The following F13A1 variants were observed in gnomAD, a reference collection of about 807,000 sequenced individuals.
F13A1 encodes the protein coagulation factor XIII A chain.
In F13A1, 47 loss-of-function variants were observed where a neutral mutation model predicts 80.1. That is an observed-to-expected ratio of 0.59 (90% CI 0.46 to 0.75). The LOEUF (loss-of-function observed/expected upper bound fraction) is 0.75. Among genes scored for constraint, F13A1 ranks in the 30% least tolerant of loss-of-function variants. F13A1 has a pLI of 0.00. For missense variants in F13A1, 817 were observed against 930.4 expected (o/e 0.88, Z 1.59); for synonymous variants, 349 against 344.9 (o/e 1.01, Z -0.13).
intron 3 of F13A1, among the ~76,000 whole-genome samples, chr6:6,271,839 G>A (rs917389509): frequency 3.9e-5 from 6 of 152,294 alleles, no homozygotes; most frequent in Middle Eastern, 3.4e-3. Flanking sequence ...GCCTATATTC[G>A]AATGTCTCAT....
In F13A1 at chr6:6,176,240, C is replaced by T. The variant is rs558107023; in HGVS notation, c.1460-1373G>A. ...TTAAAGGTATTGTCTTCTACTTTAT[C>T]TAGTTAATAATAAAATGCAATGGTG... is the stretch of plus-strand genomic sequence containing the variant. On this transcript the variant is annotated intron_variant, in intron 11 of 14. Transcript: ENST00000264870. Among the ~76,000 whole-genome samples the T allele has an allele frequency of 2.6e-5, 4 of 152,274 alleles. No individual in the cohort carries two copies. The East Asian group carries it at 7.7e-4, about 29-fold the overall frequency.
intron 10 of F13A1, among the ~76,000 whole-genome samples, chr6:6,186,922 C>G (rs2151078827): frequency 7.1e-6 from 1 of 140,272 alleles, no homozygotes; most frequent in South Asian, 2.5e-4. Context: ...TGTAGTTCTC[C>G]TTGAAGAGGT....
chr6:6,300,064 G>A (rs564688579), intron 3 of F13A1, among the ~76,000 whole-genome samples: 32 of 146,446 alleles, frequency 2.2e-4, no homozygotes, highest in South Asian at 1.0e-3. Flanking sequence ...GCTGCTTGGG[G>A]GTCAGGGGTC....
intron 14 of F13A1, among the ~76,000 whole-genome samples, chr6:6,146,193 C>T (rs2151066766): frequency 6.6e-6 from 1 of 152,294 alleles, no homozygotes; most frequent in Non-Finnish European, 1.5e-5. Context: ...ATGAATCCCC[C>T]AGCTGCCTTT....
At chr6:6,266,947 C>A in intron 3 of F13A1, 138 bp from the exon 4 acceptor site, 2 of 1,254,050 alleles carry the variant, frequency 1.6e-6, no homozygotes, top group South Asian at 1.3e-5. Context: ...ACAAATCAGG[C>A]AAGTCTGCAA....
intron 2 of F13A1, among the ~76,000 whole-genome samples, chr6:6,306,347 T>C (rs1454556642): frequency 2.0e-5 from 3 of 152,234 alleles, no homozygotes; most frequent in African/African-American, 7.2e-5. Context: ...TTGTCTAACT[T>C]TGTATGTGTG....
chr6:6,182,247 C>T (rs1761001916), intron 10 of F13A1, 106 bp from the exon 11 acceptor site: 1 of 1,226,188 alleles, frequency 8.2e-7, no homozygotes, highest in Non-Finnish European at 1.2e-6. Context: ...AGCTGACATG[C>T]CCCTTTCTTC....
At chr6:6,283,631 AC>A (rs1285429191) in intron 3 of F13A1, among the ~76,000 whole-genome samples, 1 of 152,042 alleles carries the variant, frequency 6.6e-6, no homozygotes, top group Non-Finnish European at 1.5e-5. Flanking sequence ...CAATACATGT[AC>A]CCAATTTTTG....
At chr6:6,249,784 G>A (rs1757605106) in intron 5 of F13A1, among the ~76,000 whole-genome samples, 1 of 152,188 alleles carries the variant, frequency 6.6e-6, no homozygotes, top group African/African-American at 2.4e-5. Context: ...ACTGAGGAGG[G>A]GATGGCTTGA....
At chr6:6,255,298 A>C (rs771162993) in intron 4 of F13A1, among the ~76,000 whole-genome samples, 1 of 152,140 alleles carries the variant, frequency 6.6e-6, no homozygotes, top group Non-Finnish European at 1.5e-5. Flanking sequence ...AGTGCTTTAT[A>C]ACAAGACACA....
intron 3 of F13A1, among the ~76,000 whole-genome samples, chr6:6,291,825 G>A (rs759086232): frequency 2.0e-5 from 3 of 152,162 alleles, no homozygotes; most frequent in African/African-American, 4.8e-5. Context: ...GCTTGCCCAC[G>A]TGTGTATGAT....
At chr6:6,195,078 G>T (rs542847380) in intron 10 of F13A1, among the ~76,000 whole-genome samples, 1 of 152,154 alleles carries the variant, frequency 6.6e-6, no homozygotes, top group South Asian at 2.1e-4. Flanking sequence ...TTCCTAGGCC[G>T]GCAGCCCAGC....
chr6:6,217,648 T>G (rs954601156), intron 8 of F13A1, among the ~76,000 whole-genome samples: 1 of 152,046 alleles, frequency 6.6e-6, no homozygotes, highest in African/African-American at 2.4e-5. Context: ...CTGCACGTTG[T>G]GCACATGTAC....
intron 11 of F13A1, 69 bp downstream of exon 11, chr6:6,181,919 C>T: frequency 6.4e-7 from 1 of 1,553,976 alleles, no homozygotes; most frequent in Non-Finnish European, 8.9e-7. Flanking sequence ...GAACTCATCT[C>T]TGAGTGACAA....
chr6:6,298,936 C>A (rs936036997), intron 3 of F13A1, among the ~76,000 whole-genome samples: 1 of 148,424 alleles, frequency 6.7e-6, no homozygotes. Flanking sequence ...TCTTTTAGGG[C>A]AGGCCTGGTG....
chr6:6,282,455 C>T (rs1430847295), intron 3 of F13A1, among the ~76,000 whole-genome samples: 2 of 152,104 alleles, frequency 1.3e-5, no homozygotes, highest in African/African-American at 4.8e-5. Flanking sequence ...ATCAATCATT[C>T]TATCAATAAT....
intron 4 of F13A1, among the ~76,000 whole-genome samples, chr6:6,258,960 C>A (rs1195918736): frequency 6.6e-6 from 1 of 152,144 alleles, no homozygotes; most frequent in Admixed American, 6.5e-5. Context: ...TATTTTAGTA[C>A]TTTTTACAAT....
At chr6:6,212,275 C>T (rs1348030735) in intron 8 of F13A1, among the ~76,000 whole-genome samples, 2 of 152,202 alleles carry the variant, frequency 1.3e-5, no homozygotes, top group African/African-American at 2.4e-5. Flanking sequence ...ACTTAAATGT[C>T]CCTGTCTGAC....
Position 6,195,844 on chromosome 6 carries a change from G to T in F13A1, c.1258C>A (p.His420Asn). Reference protein sequence around the residue: ...CGPASVQAIKHGHVCFQFDAP... With the variant: ...CGPASVQAIKNGHVCFQFDAP... ...TCAAATTGGAAGCAGACATGGCCGT[G>T]CTTGATGGCTTGAACCGAGGCGGGG... Residue 420 changes from histidine to asparagine, a missense_variant, in exon 10 of 15, where the codon CAC becomes AAC. His to Asn is a moderately conservative substitution (Grantham distance 68). Coordinates refer to ENST00000264870, the MANE Select transcript of F13A1 (RefSeq NM_000129.4). 1.2e-6 allele frequency: 2 copies of T among 1,614,192 alleles called. No individual in the cohort carries two copies. Among genetic ancestry groups the T allele is most frequent in the Non-Finnish European group, 1.7e-6 (2 of 1,180,030 alleles).
Sources: allele counts gnomAD v4.1 joint callset (sites outside exome capture counted in the v4.1 genomes callset), GRCh38; gene constraint gnomAD v4.1.1; transcripts MANE v1.5; gene names NCBI Gene and HGNC (gene_info 2026-07-23, HGNC 2026-07-21).